ASB7: variants seen among roughly 807,000 people sequenced by gnomAD.
ASB7 encodes the protein ankyrin repeat and SOCS box protein 7.
Under a neutral mutation model 32.5 loss-of-function variants are expected in ASB7, and 4 were observed. The observed-to-expected ratio is 0.12, with a 90% confidence interval of 0.06 to 0.28. The LOEUF (loss-of-function observed/expected upper bound fraction) is 0.28, where lower values mean the gene tolerates loss of function less well. ASB7 is among the 10% of genes least tolerant of loss of function. The pLI, the probability that ASB7 is intolerant of heterozygous loss-of-function variation, is 1.00. For missense variants in ASB7, 181 were observed against 407.1 expected, an observed-to-expected ratio of 0.44 and a Z score of 4.78; for synonymous variants, 172 against 155.6, an observed-to-expected ratio of 1.11 and a Z score of -0.78.
In ASB7 at chr15:100,612,372, TTTC is replaced by T. The variant is rs1309929282; in HGVS notation, c.158_160del (p.Phe53del). 1 of 1,614,190 alleles carries T rather than the reference TTTC, an allele frequency of 6.2e-7. No individual in the cohort carries two copies. The highest frequency in any genetic ancestry group is 1.7e-5 in the Admixed American group (1 of 60,020). The stretch of plus-strand genomic sequence containing the variant: ...ATGCGAATGGCTGGACTCTGCTTCA[TTTC>T]TCTGCAGCAAGAGGAAAGGAAAGAT... On this transcript the variant is annotated inframe_deletion, in exon 4 of 6. Transcript: ENST00000332783.
At chr15:100,638,385 A>G (rs1363904596) in intron 5 of ASB7, 1 of 152,248 alleles carries the variant, frequency 6.6e-6, no homozygotes, top group East Asian at 1.9e-4. Flanking sequence ...GGTAGCGTCC[A>G]CAGTCAGTTA....
chr15:100,632,601 G>A (rs763252240), intron 5 of ASB7, among the ~76,000 whole-genome samples: 8 of 152,124 alleles, frequency 5.3e-5, no homozygotes, highest in Non-Finnish European at 8.8e-5. Flanking sequence ...CTTCTAGCCC[G>A]CGTGCTGTGG....
In ASB7 at chr15:100,603,042, G is replaced by A. The variant is rs968437780; in HGVS notation, c.-277G>A. On this transcript the variant is annotated 5_prime_UTR_variant, in exon 1 of 6. Transcript: ENST00000332783. Reference sequence around the variant, plus strand: ...GAGGAAGAGAAGCAGCAGCTGAGGAGACAGGTAAAGTCCTTTACTTCCCCC... The same window carrying A: ...GAGGAAGAGAAGCAGCAGCTGAGGAAACAGGTAAAGTCCTTTACTTCCCCC... The A allele has an allele frequency of 5.0e-6, 2 of 399,288 alleles. No homozygotes were observed. The highest frequency in any genetic ancestry group is 4.1e-5 in the African/African-American group (2 of 48,656). 24.7% of individuals were successfully genotyped at this position (399,288 alleles called of 1,614,324 possible).
At chr15:100,604,151 A>G (rs556588333) in intron 2 of ASB7, among the ~76,000 whole-genome samples, 3 of 152,378 alleles carry the variant, frequency 2.0e-5, no homozygotes, top group East Asian at 1.9e-4. Context: ...TTAGCACTCT[A>G]TAAAAAAGAT....
intron 4 of ASB7, among the ~76,000 whole-genome samples, chr15:100,615,258 A>G: frequency 6.6e-6 from 1 of 152,354 alleles, no homozygotes; most frequent in South Asian, 2.1e-4. Context: ...ATATCTATAT[A>G]TATTTTAATA....
chr15:100,608,813 G>C (rs1031269263), intron 2 of ASB7, among the ~76,000 whole-genome samples: 1 of 152,226 alleles, frequency 6.6e-6, no homozygotes, highest in Non-Finnish European at 1.5e-5. Context: ...TAGAGGAAAA[G>C]AGAGAAGTGG....
rs1055020390 is a variant in ASB7 at position 100,609,216 on chromosome 15, A to G, written c.-173-491A>G. ...GATTGACTTGATGCCTTTAGGGCACATGAAGAAAATGCATTTAAAGACACA... is the reference window on the plus strand; with the variant it reads ...GATTGACTTGATGCCTTTAGGGCACGTGAAGAAAATGCATTTAAAGACACA... On this transcript the variant is annotated intron_variant, in intron 2 of 5. Transcript: ENST00000332783. 2.0e-5 allele frequency among the ~76,000 whole-genome samples: 3 copies of G among 152,366 alleles called. No homozygotes were observed. The East Asian group carries it at 5.8e-4, about 29-fold the overall frequency.
chr15:100,604,835 AGGGAGATGGCCTAATGATTACT>A (rs2039627371), intron 2 of ASB7, among the ~76,000 whole-genome samples: 1 of 152,236 alleles, frequency 6.6e-6, no homozygotes, highest in African/African-American at 2.4e-5. Flanking sequence ...GGAAGTTGTC[AGGGAGATGGCCTAATGATTACT>A]TCAGAACTTT....
rs1281765684 is a variant in ASB7 at position 100,603,296 on chromosome 15, C to A, written c.-191C>A. 2 of 301,162 alleles carry A rather than the reference C, an allele frequency of 6.6e-6. No homozygotes were observed. Among genetic ancestry groups the A allele is most frequent in the Non-Finnish European group, 6.1e-6 (1 of 164,720 alleles). 18.7% of individuals were successfully genotyped at this position (301,162 alleles called of 1,614,324 possible). A position where few individuals can be genotyped will look rare whatever the true frequency, so the allele number is the denominator to read the frequency against. On this transcript the variant is annotated 5_prime_UTR_variant, in exon 2 of 6. Coordinates refer to ENST00000332783, the MANE Select transcript of ASB7 (RefSeq NM_198243.3). ...GAAGCAGAAGGCACAGTGCCTCTGA[C>A]CAGCATCGTCTGTAAAGGTAATGAG...
chr15:100,612,474 T>C (rs745356287), intron 4 of ASB7, 47 bp downstream of exon 4: 1 of 1,506,976 alleles, frequency 6.6e-7, no homozygotes, highest in South Asian at 1.1e-5. Context: ...GAAACATAAA[T>C]GATGTTTAGT....
intron 5 of ASB7, among the ~76,000 whole-genome samples, chr15:100,637,150 G>A (rs966612502): frequency 3.3e-5 from 5 of 152,214 alleles, no homozygotes; most frequent in Admixed American, 1.3e-4. Context: ...GTACCAAAGG[G>A]CAGTGATGAT....
At chr15:100,635,351 T>G (rs1160610618) in intron 5 of ASB7, among the ~76,000 whole-genome samples, 1 of 152,240 alleles carries the variant, frequency 6.6e-6, no homozygotes, top group Non-Finnish European at 1.5e-5. Flanking sequence ...CTGATGCTTA[T>G]TTTGTCTCTC....
chr15:100,626,331 A>G (rs115244871), intron 4 of ASB7, among the ~76,000 whole-genome samples: 151 of 152,336 alleles, frequency 9.9e-4, no homozygotes, highest in African/African-American at 3.4e-3. Context: ...TGAACAGACA[A>G]TTCACAAAAC....
intron 2 of ASB7, among the ~76,000 whole-genome samples, chr15:100,604,915 G>A (rs1306979403): frequency 6.6e-6 from 1 of 152,166 alleles, no homozygotes; most frequent in Admixed American, 6.5e-5. Context: ...TCAAAATGAA[G>A]TACTGTGTTT....
intron 5 of ASB7, among the ~76,000 whole-genome samples, chr15:100,635,897 C>T (rs2039919389): frequency 6.6e-6 from 1 of 152,176 alleles, no homozygotes; most frequent in Non-Finnish European, 1.5e-5. Flanking sequence ...GGGCTCGGGC[C>T]TTTGTCATGG....
In ASB7 at chr15:100,603,069, A is replaced by AG. The variant is rs1189173527; in HGVS notation, c.-273+27dup. 10 of 399,150 alleles carry AG rather than the reference A, an allele frequency of 2.5e-5. 2 individuals carry two copies. In the East Asian group the frequency reaches 3.6e-4, roughly 14 times the overall value. 24.7% of individuals were successfully genotyped at this position (399,150 alleles called of 1,614,324 possible). Reference sequence around the variant, plus strand: ...CAGGTAAAGTCCTTTACTTCCCCCGAGGGGAAGAGTGCTGGCTGGGAGGGT... The same window carrying AG: ...CAGGTAAAGTCCTTTACTTCCCCCGAGGGGGAAGAGTGCTGGCTGGGAGGGT... On this transcript the variant is annotated intron_variant, in intron 1 of 5. Coordinates refer to ENST00000332783, the MANE Select transcript of ASB7 (RefSeq NM_198243.3).
At chr15:100,636,269 A>G (rs1273970368) in intron 5 of ASB7, among the ~76,000 whole-genome samples, 1 of 152,208 alleles carries the variant, frequency 6.6e-6, no homozygotes, top group East Asian at 1.9e-4. Context: ...ATGAAAAGTC[A>G]TTGACTTTGA....
rs202205711 is a variant in ASB7, at chr15:100,603,622, C to G, written c.-174+309C>G. On this transcript the variant is annotated intron_variant, in intron 2 of 5. Coordinates refer to ENST00000332783, the MANE Select transcript of ASB7 (RefSeq NM_198243.3). ...TTTGAGACCTTTTTGTAGCTACCCT[C>G]CCTTCCTTACTCTCATAGGAATTCC... 2.6e-5 allele frequency among the ~76,000 whole-genome samples: 4 copies of G among 152,096 alleles called. No individual in the cohort carries two copies. The East Asian group carries it at 5.8e-4, about 22-fold the overall frequency.
At chr15:100,628,627 T>C (rs1373628742) in intron 4 of ASB7, among the ~76,000 whole-genome samples, 1 of 152,178 alleles carries the variant, frequency 6.6e-6, no homozygotes, top group Non-Finnish European at 1.5e-5. Context: ...AACCAACCTT[T>C]GGCTTAATGA....
Sources: allele counts gnomAD v4.1 joint callset (sites outside exome capture counted in the v4.1 genomes callset), GRCh38; gene constraint gnomAD v4.1.1; transcripts MANE v1.5; gene names NCBI Gene and HGNC (gene_info 2026-07-23, HGNC 2026-07-21).